HNMT: variants seen among roughly 807,000 people sequenced by gnomAD.
The protein encoded by HNMT is histamine N-methyltransferase.
A neutral mutation model predicts 32.1 loss-of-function variants in HNMT; 30 were observed. The ratio of observed to expected loss-of-function variants is 0.93; its 90% CI spans 0.70 to 1.27. The LOEUF is 1.27. HNMT is among the 50% of genes most tolerant of loss of function. The probability of loss-of-function intolerance (pLI) is 0.00; values close to 1 mark genes in which losing one functional copy is unlikely to be tolerated. For synonymous variants in HNMT, 125 were observed against 119.0 expected (o/e 1.05, Z -0.33); for missense variants, 327 against 346.0 (o/e 0.95, Z 0.43).
chr2:137,977,146 C>G (rs977209934), intron 2 of HNMT, among the ~76,000 whole-genome samples: 1 of 152,028 alleles, frequency 6.6e-6, no homozygotes, highest in Non-Finnish European at 1.5e-5. Context: ...AGAAAAAAAG[C>G]AGTATGTTAG....
chr2:137,989,300 G>T (rs546436367), intron 2 of HNMT, among the ~76,000 whole-genome samples: 22 of 152,222 alleles, frequency 1.4e-4, no homozygotes, highest in Admixed American at 2.6e-4. Context: ...GTCTTTTCCA[G>T]AATGTCATCT....
chr2:138,010,434 GACACACGCAC>G (rs1402339886), intron 5 of HNMT, among the ~76,000 whole-genome samples: 3 of 117,656 alleles, frequency 2.5e-5, no homozygotes, highest in African/African-American at 1.1e-4. Context: ...CAATAAAAAA[GACACACGCAC>G]ACACACACAC....
chr2:137,997,111 G>C (rs1283210431), intron 2 of HNMT, among the ~76,000 whole-genome samples: 1 of 152,084 alleles, frequency 6.6e-6, no homozygotes, highest in African/African-American at 2.4e-5. Context: ...ACATAGGCAT[G>C]GGCAAAGACT....
At chr2:138,003,747 A>G (rs1681251800) in intron 4 of HNMT, among the ~76,000 whole-genome samples, 1 of 152,032 alleles carries the variant, frequency 6.6e-6, no homozygotes, top group Non-Finnish European at 1.5e-5. Flanking sequence ...CTCATTTTTT[A>G]CCCTCTAACT....
chr2:137,964,768 C>T, intron 1 of HNMT, 140 bp downstream of exon 1: 1 of 772,486 alleles, frequency 1.3e-6, no homozygotes, highest in Non-Finnish European at 2.1e-6. Context: ...TCGTCCCCTC[C>T]TCGCTGCCCT....
At chr2:137,998,342 C>T (rs1253738788) in intron 2 of HNMT, among the ~76,000 whole-genome samples, 3 of 151,690 alleles carry the variant, frequency 2.0e-5, no homozygotes, top group African/African-American at 4.8e-5. Context: ...AAACTACTTC[C>T]AAAACTAAAA....
intron 5 of HNMT, among the ~76,000 whole-genome samples, chr2:138,010,260 A>C (rs1368312612): frequency 6.6e-6 from 1 of 152,042 alleles, no homozygotes; most frequent in Non-Finnish European, 1.5e-5. Flanking sequence ...GAACTGAATA[A>C]TTGTTTATTA....
At chr2:137,988,997 T>C (rs574212573) in intron 2 of HNMT, among the ~76,000 whole-genome samples, 1 of 152,334 alleles carries the variant, frequency 6.6e-6, no homozygotes, top group East Asian at 1.9e-4. Context: ...CAACCCCTGC[T>C]CTCAAGCATG....
At chr2:137,997,989 C>A (rs74434076) in intron 2 of HNMT, among the ~76,000 whole-genome samples, 7 of 151,656 alleles carry the variant, frequency 4.6e-5, no homozygotes, top group African/African-American at 1.7e-4. Context: ...GGACACAGAG[C>A]GGGGAGCAAC....
intron 5 of HNMT, among the ~76,000 whole-genome samples, chr2:138,009,005 A>C (rs536569363): frequency 2.0e-5 from 3 of 152,260 alleles, no homozygotes; most frequent in Non-Finnish European, 4.4e-5. Context: ...CATAGTATGC[A>C]TTTGACAAAG....
intron 2 of HNMT, among the ~76,000 whole-genome samples, chr2:137,988,391 T>C (rs1307693067): frequency 6.6e-6 from 1 of 152,092 alleles, no homozygotes; most frequent in African/African-American, 2.4e-5. Context: ...AGTAAACTTC[T>C]TGATGGCCAG....
intron 2 of HNMT, among the ~76,000 whole-genome samples, chr2:137,986,522 G>T (rs570755077): frequency 2.0e-5 from 3 of 151,996 alleles, no homozygotes; most frequent in Non-Finnish European, 4.4e-5. Flanking sequence ...ATGAGGGAGG[G>T]CAGTCTGCTT....
chr2:137,972,035 T>C (rs1004896260), intron 2 of HNMT, among the ~76,000 whole-genome samples: 2 of 152,182 alleles, frequency 1.3e-5, no homozygotes, highest in Non-Finnish European at 2.9e-5. Context: ...TGAGTTGAAC[T>C]GTGGCTCATA....
chr2:138,001,945 G>A, intron 3 of HNMT, 119 bp from the exon 4 acceptor site: 1 of 740,952 alleles, frequency 1.3e-6, no homozygotes, highest in Admixed American at 3.7e-5. Context: ...ACATAAGAAA[G>A]AAAAACGTTC....
intron 2 of HNMT, chr2:137,991,776 C>T (rs1316407045): frequency 6.6e-6 from 1 of 151,982 alleles, no homozygotes; most frequent in East Asian, 1.9e-4. Flanking sequence ...ACATATATAT[C>T]ACAATAAGAA....
chr2:137,998,402 G>A lies in HNMT; in HGVS notation c.191-2516G>A, dbSNP rs1289490140. Among the ~76,000 whole-genome samples, 2 of 152,042 alleles carry A rather than the reference G, an allele frequency of 1.3e-5. 1 individual carries two copies. Among genetic ancestry groups the A allele is most frequent in the South Asian group, 4.1e-4 (2 of 4,820 alleles). The stretch of plus-strand genomic sequence containing the variant: ...AATGAACAAGTTAGGACCAAAAAAC[G>A]AAAGCAGATGGACACTAAGTCAACA... On this transcript the variant is annotated intron_variant, in intron 2 of 5. Coordinates refer to ENST00000280097, the MANE Select transcript of HNMT (RefSeq NM_006895.3).
chr2:137,983,265 A>T (rs1680557552), intron 2 of HNMT, among the ~76,000 whole-genome samples: 1 of 152,116 alleles, frequency 6.6e-6, no homozygotes, highest in Admixed American at 6.5e-5. Context: ...TCTTGGACTC[A>T]GCCTCCCCTG....
At chr2:138,009,057 G>C (rs1019703118) in intron 5 of HNMT, among the ~76,000 whole-genome samples, 11 of 151,728 alleles carry the variant, frequency 7.2e-5, no homozygotes, top group African/African-American at 2.7e-4. Context: ...ATTTACAAGA[G>C]AGAAACAACC....
intron 1 of HNMT, chr2:137,967,418 T>A: frequency 3.1e-6 from 1 of 326,722 alleles, no homozygotes; most frequent in East Asian, 5.1e-5. Flanking sequence ...GAGAAAAAAA[T>A]AAATCAAATG....
Sources: gnomAD v4.1 joint callset for allele counts (sites outside exome capture counted in the v4.1 genomes callset) on GRCh38, gnomAD v4.1.1 for gene constraint, MANE v1.5 for transcripts, NCBI Gene and HGNC (gene_info 2026-07-23, HGNC 2026-07-21) for gene names.